The following TMEM117 variants were observed in gnomAD, a reference collection of about 807,000 sequenced individuals.
TMEM117 encodes transmembrane protein 117.
Under a neutral mutation model 52.4 loss-of-function variants are expected in TMEM117, and 27 were observed. The observed-to-expected ratio is 0.51, with a 90% confidence interval of 0.38 to 0.71. The LOEUF (loss-of-function observed/expected upper bound fraction) is 0.71, where lower values mean the gene tolerates loss of function less well. Ranked by LOEUF, TMEM117 falls within the 30% of genes least tolerant of loss-of-function variation. The pLI is 0.00. For synonymous variants in TMEM117, 215 were observed against 206.3 expected, an observed-to-expected ratio of 1.04 and a Z score of -0.36; for missense variants, 556 against 630.5, an observed-to-expected ratio of 0.88 and a Z score of 1.26.
chr12:44,081,016 T>C (rs1165402924), intron 3 of TMEM117, among the ~76,000 whole-genome samples: 1 of 152,206 alleles, frequency 6.6e-6, no homozygotes, highest in Non-Finnish European at 1.5e-5. Flanking sequence ...TGTAGTTAAA[T>C]GGGAATTTAT....
intron 6 of TMEM117, among the ~76,000 whole-genome samples, chr12:44,322,186 C>A (rs917072193): frequency 6.6e-6 from 1 of 152,178 alleles, no homozygotes; most frequent in Non-Finnish European, 1.5e-5. Context: ...TGGATATCTA[C>A]CCAGATGTTG....
chr12:44,080,846 G>A (rs1350091208), intron 3 of TMEM117, among the ~76,000 whole-genome samples: 2 of 152,114 alleles, frequency 1.3e-5, no homozygotes, highest in Non-Finnish European at 2.9e-5. Context: ...CTACTTTTGT[G>A]CTTCCATGGC....
At chr12:44,168,423 A>G (rs1482980511) in intron 4 of TMEM117, among the ~76,000 whole-genome samples, 1 of 152,200 alleles carries the variant, frequency 6.6e-6, no homozygotes, top group Non-Finnish European at 1.5e-5. Flanking sequence ...ATAACTTCTT[A>G]TGCATTTGTA....
intron 6 of TMEM117, among the ~76,000 whole-genome samples, chr12:44,371,527 T>G (rs2068103): frequency 0.057 from 8,709 of 152,284 alleles, 267 homozygotes; most frequent in African/African-American, 0.077. Flanking sequence ...ACTTTTGTTC[T>G]GATACTATGG....
Position 43,867,569 on chromosome 12 carries a change from T to C in TMEM117, c.277+22641T>C, listed in dbSNP as rs952273544. Among the ~76,000 whole-genome samples the C allele has an allele frequency of 3.3e-5, 5 of 151,980 alleles. No homozygotes were observed. The East Asian group carries it at 5.8e-4, about 18-fold the overall frequency. The stretch of plus-strand genomic sequence containing the variant: ...ATTTAAAAAGTTTGATCCAAGTATA[T>C]AGTGTTTATAAATGATGTATTTTAA... On this transcript the variant is annotated intron_variant, in intron 2 of 7. Coordinates refer to ENST00000266534, the MANE Select transcript of TMEM117 (RefSeq NM_032256.3).
At chr12:43,847,966 G>T (rs1943238691) in intron 2 of TMEM117, among the ~76,000 whole-genome samples, 1 of 152,190 alleles carries the variant, frequency 6.6e-6, no homozygotes, top group African/African-American at 2.4e-5. Flanking sequence ...GGACTGTGAT[G>T]CCCGCCTGAG....
At chr12:44,370,245 A>C (rs904603333) in intron 6 of TMEM117, among the ~76,000 whole-genome samples, 1 of 152,148 alleles carries the variant, frequency 6.6e-6, no homozygotes, top group Non-Finnish European at 1.5e-5. Flanking sequence ...TCTTCTCACA[A>C]TATTTACAAT....
intron 3 of TMEM117, among the ~76,000 whole-genome samples, chr12:44,031,189 A>G (rs1029113921): frequency 5.3e-5 from 8 of 152,194 alleles, no homozygotes; most frequent in African/African-American, 1.7e-4. Context: ...CTGTATTTGT[A>G]TAAATGTACT....
intron 3 of TMEM117, among the ~76,000 whole-genome samples, chr12:43,945,143 TG>T (rs1416443433): frequency 5.2e-5 from 2 of 38,568 alleles, no homozygotes; most frequent in Non-Finnish European, 1.9e-4. Flanking sequence ...ATAAATAAAG[TG>T]GGCCACCCTG....
At chr12:43,971,796 ATATACAATGCATTATTG>A in intron 3 of TMEM117, among the ~76,000 whole-genome samples, 1 of 152,344 alleles carries the variant, frequency 6.6e-6, no homozygotes, top group East Asian at 1.9e-4. Flanking sequence ...AAATTTTAAA[ATATACAATGCATTATTG>A]TTAACTGTAG....
At chr12:44,323,414 T>A (rs548018489) in intron 6 of TMEM117, among the ~76,000 whole-genome samples, 63 of 152,248 alleles carry the variant, frequency 4.1e-4, no homozygotes, top group Middle Eastern at 6.8e-3. Context: ...CCTATTGCTC[T>A]TTTTTTATTA....
intron 4 of TMEM117, among the ~76,000 whole-genome samples, chr12:44,153,510 C>A (rs1243103937): frequency 6.6e-6 from 1 of 151,974 alleles, no homozygotes; most frequent in East Asian, 1.9e-4. Context: ...CATCACGTCT[C>A]AGCCAAACTG....
intron 6 of TMEM117, among the ~76,000 whole-genome samples, chr12:44,362,099 C>G (rs573069159): frequency 6.6e-6 from 1 of 152,260 alleles, no homozygotes; most frequent in East Asian, 1.9e-4. Context: ...AGATGCCTCG[C>G]AGGGTGCCCT....
At chr12:44,027,082 CTATTT>C (rs66667106) in intron 3 of TMEM117, among the ~76,000 whole-genome samples, 115,889 of 136,408 alleles carry the variant, frequency 0.85, 50,593 homozygotes, top group East Asian at 0.98. Flanking sequence ...ATTTCTTAGC[CTATTT>C]TATTTTATTT....
the TMEM117 span, among the ~76,000 whole-genome samples, chr12:43,809,677 C>T: frequency 6.6e-6 from 1 of 152,170 alleles, no homozygotes; most frequent in African/African-American, 2.4e-5. Context: ...ACCACAATAT[C>T]GCTGGGCCCT....
chr12:43,949,146 T>C (rs1241399342), intron 3 of TMEM117, among the ~76,000 whole-genome samples: 3 of 152,264 alleles, frequency 2.0e-5, no homozygotes. Context: ...AGAATTCAGC[T>C]AAGGGACATA....
At chr12:43,866,125 A>G (rs898309806) in intron 2 of TMEM117, among the ~76,000 whole-genome samples, 1 of 151,858 alleles carries the variant, frequency 6.6e-6, no homozygotes, top group African/African-American at 2.4e-5. Flanking sequence ...CAAACTGCTG[A>G]AATAAAAGAT....
At chr12:43,921,577 C>A (rs1281292972) in intron 2 of TMEM117, among the ~76,000 whole-genome samples, 1 of 152,184 alleles carries the variant, frequency 6.6e-6, no homozygotes, top group African/African-American at 2.4e-5. Context: ...CAAAGAAGAG[C>A]TCAGTAAGTT....
intron 6 of TMEM117, among the ~76,000 whole-genome samples, chr12:44,304,235 G>C (rs1221577938): frequency 6.6e-6 from 1 of 152,216 alleles, no homozygotes; most frequent in Non-Finnish European, 1.5e-5. Context: ...TTGGAACTTA[G>C]TGCTGCCTGT....
Sources: allele counts gnomAD v4.1 joint callset (sites outside exome capture counted in the v4.1 genomes callset), GRCh38; gene constraint gnomAD v4.1.1; transcripts MANE v1.5; gene names NCBI Gene and HGNC (gene_info 2026-07-23, HGNC 2026-07-21).